Variants in ARPC2 observed in about 807,000 individuals in gnomAD.
The protein encoded by ARPC2 is actin related protein 2/3 complex subunit 2, also known as actin-related protein 2/3 complex subunit 2.
ARPC2 carries 4 observed loss-of-function variants against 38.6 expected under a neutral mutation model. The ratio of observed to expected loss-of-function variants is 0.10; its 90% confidence interval spans 0.05 to 0.24. The LOEUF (loss-of-function observed/expected upper bound fraction) is 0.24, where lower values mean the gene tolerates loss of function less well. Ranked by LOEUF, ARPC2 falls within the 10% of genes least tolerant of loss-of-function variation. The pLI is 1.00. For missense variants in ARPC2, 229 were observed against 387.3 expected (o/e 0.59, Z 3.43); for synonymous variants, 125 against 140.8 (o/e 0.89, Z 0.79).
chr2:218,242,830 GCTT>G (rs1689946081), intron 7 of ARPC2, among the ~76,000 whole-genome samples: 2 of 152,242 alleles, frequency 1.3e-5, no homozygotes, highest in South Asian at 4.1e-4. Context: ...GGGTCATTGA[GCTT>G]CTCAATTTCT....
intron 4 of ARPC2, chr2:218,233,820 C>G (rs1239899537): frequency 6.6e-6 from 1 of 152,306 alleles, no homozygotes; most frequent in Non-Finnish European, 1.5e-5. Context: ...TGGAGGAGAA[C>G]AGAGAACATA....
rs1413202002 is a variant in ARPC2, at chr2:218,217,562, G to A, written c.74+18G>A. ...GCCGCCGGGTGAGCGCGCGCCCGGG[G>A]CCGGGGGTGGCGGGGGAAGCAGAGT... On this transcript the variant is annotated intron_variant, in intron 2 of 10. Transcript: ENST00000315717. The A allele has an allele frequency of 1.2e-5, 20 of 1,603,424 alleles. No homozygotes were observed. The highest frequency in any genetic ancestry group is 1.7e-5 in the Non-Finnish European group (20 of 1,174,604).
chr2:218,243,604 G>C (rs948388993), intron 7 of ARPC2, among the ~76,000 whole-genome samples: 6 of 152,206 alleles, frequency 3.9e-5, no homozygotes, highest in Middle Eastern at 3.4e-3. Context: ...GTGAAACCCT[G>C]TTTCTACTTT....
chr2:218,232,364 G>GT (rs1376343128), intron 4 of ARPC2, among the ~76,000 whole-genome samples: 1 of 152,162 alleles, frequency 6.6e-6, no homozygotes, highest in African/African-American at 2.4e-5. Context: ...GTCTCAGTCT[G>GT]TTTTTTGTTG....
intron 1 of ARPC2, 90 bp from the exon 2 acceptor site, chr2:218,217,373 C>G: frequency 1.6e-6 from 2 of 1,235,348 alleles, no homozygotes; most frequent in African/African-American, 1.5e-5. Flanking sequence ...CCCACCCAGC[C>G]CCACTCAGGG....
intron 7 of ARPC2, 66 bp downstream of exon 7, chr2:218,239,550 C>T (rs1689858952): frequency 3.8e-6 from 5 of 1,300,316 alleles, no homozygotes; most frequent in South Asian, 2.4e-5. Context: ...CCAAACATAC[C>T]ATGAGCGTAG....
chr2:218,228,664 C>T (rs150162109), intron 3 of ARPC2, 74 bp from the exon 4 acceptor site: 139 of 890,308 alleles, frequency 1.6e-4, no homozygotes, highest in Non-Finnish European at 2.3e-4. Flanking sequence ...TTGTGGCCTA[C>T]GGCAAGGTAG....
chr2:218,242,206 A>G (rs527458947), intron 7 of ARPC2, among the ~76,000 whole-genome samples: 12 of 152,340 alleles, frequency 7.9e-5, no homozygotes, highest in African/African-American at 2.9e-4. Flanking sequence ...CCTCCACACT[A>G]GTGGTATGGG....
intron 8 of ARPC2, among the ~76,000 whole-genome samples, chr2:218,246,058 C>CAA (rs1478837692): frequency 6.6e-6 from 1 of 150,452 alleles, no homozygotes; most frequent in African/African-American, 2.4e-5. Flanking sequence ...TACTAAAATA[C>CAA]AAAAAAAAAT....
intron 9 of ARPC2, 126 bp downstream of exon 9, chr2:218,249,590 G>C: frequency 2.4e-6 from 2 of 821,560 alleles, no homozygotes; most frequent in Non-Finnish European, 3.8e-6. Flanking sequence ...AATTCTAGAG[G>C]CTTCAAGAAA....
intron 2 of ARPC2, among the ~76,000 whole-genome samples, chr2:218,225,431 C>T (rs539810901): frequency 1.4e-3 from 208 of 152,260 alleles, no homozygotes; most frequent in Middle Eastern, 3.4e-3. Flanking sequence ...GGCTTACAGA[C>T]GGGTTTTGAA....
At chr2:218,227,607 T>C (rs74869915) in intron 3 of ARPC2, among the ~76,000 whole-genome samples, 1 of 151,254 alleles carries the variant, frequency 6.6e-6, no homozygotes, top group Non-Finnish European at 1.5e-5. Context: ...TTTTTTTTTT[T>C]CCAGACAGCG....
intron 7 of ARPC2, 129 bp from the exon 8 acceptor site, chr2:218,245,290 GT>G: frequency 8.5e-7 from 1 of 1,178,224 alleles, no homozygotes; most frequent in Non-Finnish European, 1.2e-6. Context: ...GTTTGGTGTA[GT>G]TTATTTTTAA....
At chr2:218,247,191 A>G (rs76914323) in intron 8 of ARPC2, among the ~76,000 whole-genome samples, 1,875 of 152,282 alleles carry the variant, frequency 0.012, 41 homozygotes, top group African/African-American at 0.042. Flanking sequence ...TCATTTGGCA[A>G]TTCTTGGTTT....
chr2:218,219,394 G>C (rs1303674352), intron 2 of ARPC2, among the ~76,000 whole-genome samples: 1 of 150,032 alleles, frequency 6.7e-6, no homozygotes, highest in Non-Finnish European at 1.5e-5. Context: ...GTCTCTCACT[G>C]GCTGGAATGC....
intron 7 of ARPC2, among the ~76,000 whole-genome samples, chr2:218,239,746 A>G (rs1250074867): frequency 2.0e-5 from 3 of 151,704 alleles, no homozygotes; most frequent in African/African-American, 4.9e-5. Flanking sequence ...GGCATGCACC[A>G]CCACACCCAG....
intron 5 of ARPC2, 129 bp from the exon 6 acceptor site, chr2:218,238,535 A>C: frequency 1.5e-6 from 1 of 646,114 alleles, no homozygotes; most frequent in East Asian, 2.8e-5. Flanking sequence ...GAACCTGAAA[A>C]AAGATTTTTT....
At chr2:218,234,899 C>A (rs1205961720) in intron 5 of ARPC2, 1 of 456,452 alleles carries the variant, frequency 2.2e-6, no homozygotes, top group African/African-American at 2.0e-5. Context: ...TGAAAGGCAC[C>A]GTGTCATCCT....
chr2:218,233,623 T>G (rs1689695562), intron 4 of ARPC2: 1 of 151,502 alleles, frequency 6.6e-6, no homozygotes. Context: ...CTGAGTAATT[T>G]TAAAGCATAC....
Sources: gnomAD v4.1 joint callset for allele counts (sites outside exome capture counted in the v4.1 genomes callset) on GRCh38, gnomAD v4.1.1 for gene constraint, MANE v1.5 for transcripts, NCBI Gene and HGNC (gene_info 2026-07-23, HGNC 2026-07-21) for gene names.